Variants in PRKG1 observed in about 807,000 individuals in gnomAD.
The protein encoded by PRKG1 is protein kinase cGMP-dependent 1.
In PRKG1, 35 loss-of-function variants were observed where a neutral mutation model predicts 88.1. That is an observed-to-expected ratio of 0.40 (90% confidence interval 0.30 to 0.53). PRKG1 has a LOEUF of 0.53. Ranked by LOEUF, PRKG1 falls within the 20% of genes least tolerant of loss-of-function variation. PRKG1 has a pLI of 0.59. For missense variants in PRKG1, 540 were observed against 839.8 expected (o/e 0.64, Z 4.41); for synonymous variants, 303 against 292.5 (o/e 1.04, Z -0.37).
chr10:51,156,841 C>T lies in PRKG1; in HGVS notation c.478+3511C>T, dbSNP rs149951605. Among the ~76,000 whole-genome samples, 1,404 of 151,932 alleles carry T rather than the reference C, an allele frequency of 9.2e-3. 12 individuals carry two copies. The highest frequency in any genetic ancestry group is 0.014 in the Non-Finnish European group (954 of 67,852). On this transcript the variant is annotated intron_variant, in intron 2 of 17. Coordinates refer to ENST00000373980, the MANE Select transcript of PRKG1 (RefSeq NM_006258.4). The stretch of plus-strand genomic sequence containing the variant: ...GCAATGTTCTTGCTATAGATGGATT[C>T]TTTGTTATCTGTGAACATTCATATT...
At chr10:51,717,132 C>T (rs530675903) in intron 3 of PRKG1, among the ~76,000 whole-genome samples, 5 of 152,332 alleles carry the variant, frequency 3.3e-5, no homozygotes. Context: ...TGAAAGCACC[C>T]TCAGGTCGAC....
chr10:51,011,507 T>C (rs1842993891), intron 1 of PRKG1, among the ~76,000 whole-genome samples: 1 of 152,212 alleles, frequency 6.6e-6, no homozygotes, highest in African/African-American at 2.4e-5. Flanking sequence ...AGTAACCTCA[T>C]AGAAGCATTT....
chr10:51,003,197 A>G (rs1196421206), intron 1 of PRKG1, among the ~76,000 whole-genome samples: 1 of 92,168 alleles, frequency 1.1e-5, no homozygotes, highest in Non-Finnish European at 2.4e-5. Context: ...AACAACAACA[A>G]CAACAACAAC....
chr10:51,882,010 T>C (rs1240793083), intron 4 of PRKG1, among the ~76,000 whole-genome samples: 1 of 152,142 alleles, frequency 6.6e-6, no homozygotes, highest in African/African-American at 2.4e-5. Context: ...TTTTCAATGA[T>C]GAAATCCATG....
intron 2 of PRKG1, among the ~76,000 whole-genome samples, chr10:51,456,694 G>T (rs1839595239): frequency 6.6e-6 from 1 of 152,100 alleles, no homozygotes; most frequent in Non-Finnish European, 1.5e-5. Context: ...CTATGCTTCT[G>T]ACAAAGGACT....
At chr10:51,617,097 T>C (rs1157666263) in intron 3 of PRKG1, among the ~76,000 whole-genome samples, 1 of 152,094 alleles carries the variant, frequency 6.6e-6, no homozygotes, top group East Asian at 1.9e-4. Flanking sequence ...GCTCTGTATG[T>C]TAGTTTTGAG....
At chr10:51,596,742 C>A (rs192621110) in intron 3 of PRKG1, among the ~76,000 whole-genome samples, 2 of 152,064 alleles carry the variant, frequency 1.3e-5, no homozygotes, top group African/African-American at 4.8e-5. Context: ...ATAATCAATG[C>A]GATGATTTGA....
intron 3 of PRKG1, among the ~76,000 whole-genome samples, chr10:51,576,550 T>G (rs1837892342): frequency 6.6e-6 from 1 of 152,056 alleles, no homozygotes; most frequent in Admixed American, 6.6e-5. Flanking sequence ...ACACTGATGA[T>G]TTGTTTCCTT....
At chr10:52,056,117 TGACCAC>T (rs1846105327) in intron 6 of PRKG1, among the ~76,000 whole-genome samples, 1 of 152,222 alleles carries the variant, frequency 6.6e-6, no homozygotes, top group Non-Finnish European at 1.5e-5. Context: ...ATGACATGTC[TGACCAC>T]GGTTACAGTT....
intron 5 of PRKG1, among the ~76,000 whole-genome samples, chr10:51,915,069 G>A (rs1305176372): frequency 6.6e-6 from 1 of 152,190 alleles, no homozygotes; most frequent in Non-Finnish European, 1.5e-5. Flanking sequence ...AGGTCCAGCA[G>A]GCTGATTAAA....
chr10:51,665,489 CA>C (rs1840401240), intron 3 of PRKG1, among the ~76,000 whole-genome samples: 1 of 152,074 alleles, frequency 6.6e-6, no homozygotes, highest in African/African-American at 2.4e-5. Flanking sequence ...ATTATCCACC[CA>C]TAGTCAACAT....
At position 50,991,765 on chromosome 10, in the gene PRKG1, G is replaced by A; in HGVS notation, c.266+121G>A. 2.7e-6 allele frequency: 2 copies of A among 738,754 alleles called. No individual in the cohort carries two copies. The highest frequency in any genetic ancestry group is 3.4e-6 in the Non-Finnish European group (2 of 596,306). 45.8% of individuals were successfully genotyped at this position (738,754 alleles called of 1,614,324 possible). On this transcript the variant is annotated intron_variant, in intron 1 of 17. Transcript: ENST00000401604. This position sits in a 1 kb window ranked among gnomAD's most constrained non-coding sequence, Gnocchi z 4.5. ...GCGCCCCCTGCTCGCTGCGGCGCGC[G>A]GAGTGGGGGTGGCCCCGCGGCCCGG...
chr10:51,945,148 G>A (rs1022311277), intron 5 of PRKG1, among the ~76,000 whole-genome samples: 1,872 of 150,016 alleles, frequency 0.012, 44 homozygotes, highest in African/African-American at 0.042. Context: ...CCTGTATTGG[G>A]TGCATATATA....
intron 1 of PRKG1, among the ~76,000 whole-genome samples, chr10:51,102,895 G>A (rs957209861): frequency 2.6e-5 from 4 of 152,082 alleles, no homozygotes; most frequent in Non-Finnish European, 5.9e-5. Context: ...AAGTATGCAT[G>A]GAGAGGAAAC....
intron 5 of PRKG1, among the ~76,000 whole-genome samples, chr10:51,926,742 C>T (rs1842586247): frequency 7.2e-6 from 1 of 139,342 alleles, no homozygotes. Context: ...AATTTCTTGC[C>T]TAGCATAGTT....
chr10:51,370,403 C>T (rs1842677441), intron 2 of PRKG1, among the ~76,000 whole-genome samples: 1 of 151,152 alleles, frequency 6.6e-6, no homozygotes, highest in South Asian at 2.1e-4. Context: ...GTGGCCTATT[C>T]CTAAGGAGGC....
At chr10:51,437,345 A>C (rs1838961863) in intron 2 of PRKG1, among the ~76,000 whole-genome samples, 1 of 152,018 alleles carries the variant, frequency 6.6e-6, no homozygotes, top group East Asian at 1.9e-4. Context: ...ACCAGGCTCA[A>C]ATGAGATATA....
chr10:51,823,304 A>G (rs540929167), intron 4 of PRKG1, among the ~76,000 whole-genome samples: 1 of 152,314 alleles, frequency 6.6e-6, no homozygotes, highest in East Asian at 1.9e-4. Flanking sequence ...GGATAGATCC[A>G]TGCTTTTGGG....
At chr10:50,998,518 T>A (rs1481809579) in intron 1 of PRKG1, among the ~76,000 whole-genome samples, 3 of 151,744 alleles carry the variant, frequency 2.0e-5, no homozygotes, top group African/African-American at 7.3e-5. Context: ...GAGGCCAAGG[T>A]GGGCAGATCA....
Sources: allele counts gnomAD v4.1 joint callset (sites outside exome capture counted in the v4.1 genomes callset), GRCh38; gene constraint gnomAD v4.1.1; non-coding constraint Gnocchi (gnomAD v3.1); transcripts MANE v1.5; gene names NCBI Gene and HGNC (gene_info 2026-07-23, HGNC 2026-07-21).